The following RBCK1 variants were observed in gnomAD, a reference collection of about 807,000 sequenced individuals.
RBCK1 encodes RANBP2-type and C3HC4-type zinc finger containing 1.
Under a neutral mutation model 71.1 loss-of-function variants are expected in RBCK1, and 44 were observed. The ratio of observed to expected loss-of-function variants is 0.62; its 90% CI spans 0.49 to 0.80. The LOEUF (loss-of-function observed/expected upper bound fraction) is 0.80. RBCK1 is among the 30% of genes least tolerant of loss of function. The probability of loss-of-function intolerance (pLI) is 0.00; values close to 1 mark genes in which losing one functional copy is unlikely to be tolerated. For missense variants in RBCK1, 569 were observed against 685.0 expected, an observed-to-expected ratio of 0.83 and a Z score of 1.89; for synonymous variants, 306 against 279.7, an observed-to-expected ratio of 1.09 and a Z score of -0.94.
chr20:410,733 C>T (rs1354664954), intron 2 of RBCK1: 1 of 565,900 alleles, frequency 1.8e-6, no homozygotes, highest in South Asian at 2.3e-5. Flanking sequence ...GCGTGTTATG[C>T]ACTCAATAAT....
At chr20:423,151 T>C (rs1223757636) in intron 8 of RBCK1, among the ~76,000 whole-genome samples, 3 of 152,192 alleles carry the variant, frequency 2.0e-5, no homozygotes, top group African/African-American at 7.2e-5. Flanking sequence ...AATAGAAAAT[T>C]AGCCGGGTGT....
intron 2 of RBCK1, among the ~76,000 whole-genome samples, chr20:415,642 A>G (rs1344023236): frequency 6.6e-6 from 1 of 151,944 alleles, no homozygotes; most frequent in Non-Finnish European, 1.5e-5. Flanking sequence ...AATTTTCCCC[A>G]TATTCTGGAT....
chr20:420,945 G>C lies in RBCK1; in HGVS notation c.831G>C (p.Thr277=), dbSNP rs1401211380. The change falls in exon 7 of 12, where the codon ACG becomes ACC. Residue 277 remains threonine, a synonymous_variant. Transcript: ENST00000356286. ...QLDQRSLVLN[T]EPAECPVCYS... is the part of the protein sequence containing the mutation. ...ACCAGAGGAGCCTGGTGCTGAACAC[G>C]GAGCCCGCCGAGTGCCCCGTGTGCT... 2 of 1,555,126 alleles carry C rather than the reference G, an allele frequency of 1.3e-6. No homozygotes were observed. The highest frequency in any genetic ancestry group is 1.7e-6 in the Non-Finnish European group (2 of 1,150,980).
Position 409,952 on chromosome 20 carries a change from A to G in RBCK1, c.94A>G (p.Ile32Val), listed in dbSNP as rs775299786. 2.1e-5 allele frequency: 34 copies of G among 1,614,056 alleles called. No individual in the cohort carries two copies. Among genetic ancestry groups the G allele is most frequent in the African/African-American group, 2.7e-5 (2 of 74,934 alleles). Residue 32 changes from isoleucine to valine, a missense_variant, in exon 2 of 12, where the codon ATC becomes GTC. This residue lies in a region of RBCK1 where 358 missense variants were observed against 375.6 expected (regional missense o/e 0.95). Coordinates refer to ENST00000356286, the MANE Select transcript of RBCK1 (RefSeq NM_031229.4). ...TGAACAGGTGGCAATGAAGTGTGCC[A>G]TCTGGCTGGCAGAGCAACGGGTGCC... ...GDEQVAMKCA[I>V]WLAEQRVPLS...
chr20:430,363 C>G lies in RBCK1; in HGVS notation c.1466C>G (p.Thr489Ser), dbSNP rs778181987. The part of the protein sequence containing the change: ...PRWGPGGPGD[T>S]SGGCRCRVNG... ...CCCATCCTCTAGGGCCCAGGAGACACCAGCGGGGGCTGCCGCTGCAGGGTA... is the reference window on the plus strand; with the variant it reads ...CCCATCCTCTAGGGCCCAGGAGACAGCAGCGGGGGCTGCCGCTGCAGGGTA... Residue 489 changes from threonine to serine, a missense_variant, in exon 12 of 12, where the codon ACC becomes AGC. By Grantham distance (58) the Thr-to-Ser change is moderately conservative. Transcript: ENST00000356286. The surrounding 1 kb of genome is among the most constrained non-coding windows in gnomAD (Gnocchi z 5.6). 5.0e-6 allele frequency: 8 copies of G among 1,611,542 alleles called. No homozygotes were observed. Among genetic ancestry groups the G allele is most frequent in the Non-Finnish European group, 6.8e-6 (8 of 1,177,740 alleles).
At position 430,379 on chromosome 20, in the gene RBCK1, C is replaced by T. The variant is rs142636828; in HGVS notation, c.1482C>T (p.Arg494=). 2 of 1,613,614 alleles carry T rather than the reference C, an allele frequency of 1.2e-6. No homozygotes were observed. The highest frequency in any genetic ancestry group is 8.5e-7 in the Non-Finnish European group (1 of 1,179,536). The change falls in exon 12 of 12, where the codon CGC becomes CGT. Residue 494 remains arginine (R), a synonymous_variant. Coordinates refer to ENST00000356286, the MANE Select transcript of RBCK1 (RefSeq NM_031229.4). The surrounding 1 kb of genome is among the most constrained non-coding windows in gnomAD (Gnocchi z 5.6). ...CAGGAGACACCAGCGGGGGCTGCCG[C>T]TGCAGGGTAAATGGGATTCCTTGCC... ...GGPGDTSGGC[R]CRVNGIPCHP...
In RBCK1 at chr20:420,993, G is replaced by A; in HGVS notation, c.879G>A (p.Glu293=). Residue 293 remains glutamate (E), a synonymous_variant, in exon 7 of 12, where the codon GAG becomes GAA. Transcript: ENST00000356286. ...GCTACTCGGTGCTGGCGCCCGGCGA[G>A]GCCGTGGTGCTGCGTGAGTGTCTGC... ...PVCYSVLAPG[E]AVVLRECLHT... is the part of the protein sequence containing the mutation. The A allele has an allele frequency of 6.4e-7, 1 of 1,566,058 alleles. No homozygotes were observed. Among genetic ancestry groups the A allele is most frequent in the South Asian group, 1.2e-5 (1 of 85,308 alleles).
At chr20:420,396 C>G in intron 6 of RBCK1, 1 of 984,916 alleles carries the variant, frequency 1.0e-6, no homozygotes, top group Non-Finnish European at 1.2e-6. Flanking sequence ...CCCGGTGCTG[C>G]CCCTGGCCAC....
At chr20:429,207 T>C (rs2016894175) in intron 11 of RBCK1, 113 bp downstream of exon 11, 2 of 1,393,876 alleles carry the variant, frequency 1.4e-6, no homozygotes, top group Admixed American at 5.6e-5. Context: ...CCTGAATTTG[T>C]ACAGCTCCCG....
intron 6 of RBCK1, 35 bp from the exon 7 acceptor site, chr20:420,836 C>G: frequency 3.9e-6 from 6 of 1,535,030 alleles, no homozygotes; most frequent in Non-Finnish European, 5.2e-6. Flanking sequence ...CCCCGAGGCC[C>G]TGACCCGCCC....
At chr20:416,007 C>T (rs2015962570) in intron 2 of RBCK1, among the ~76,000 whole-genome samples, 1 of 152,200 alleles carries the variant, frequency 6.6e-6, no homozygotes, top group Non-Finnish European at 1.5e-5. Flanking sequence ...ACACCTCCCA[C>T]CAGGCCTCAC....
At chr20:416,468 C>T (rs1304870793) in intron 2 of RBCK1, among the ~76,000 whole-genome samples, 1 of 152,142 alleles carries the variant, frequency 6.6e-6, no homozygotes, top group Admixed American at 6.6e-5. Context: ...AACTCTTCCT[C>T]ATTTTTTGGT....
At chr20:416,781 G>A (rs2016017103) in intron 2 of RBCK1, among the ~76,000 whole-genome samples, 1 of 152,186 alleles carries the variant, frequency 6.6e-6, no homozygotes, top group Non-Finnish European at 1.5e-5. Context: ...AGGATCACTT[G>A]AGGCCAAGAG....
chr20:417,124 T>G lies in RBCK1; in HGVS notation c.168-402T>G. ...CAGGGATACAGCAGTACCTGTCTGA[T>G]GGGTTGGTTGAGAGGATTAAATGAG... is the stretch of plus-strand genomic sequence containing the variant. On this transcript the variant is annotated intron_variant, in intron 2 of 11. Transcript: ENST00000356286. This position sits in a 1 kb window ranked among gnomAD's most constrained non-coding sequence, Gnocchi z 4.7. The G allele has an allele frequency of 2.2e-6, 1 of 459,144 alleles. No homozygotes were observed. Among genetic ancestry groups the G allele is most frequent in the Non-Finnish European group, 4.5e-6 (1 of 219,960 alleles). The allele number at this position is 459,144 out of a possible 1,614,324, so 28.4% of individuals were successfully genotyped here.
chr20:418,405 G>A (rs1264217351), intron 4 of RBCK1, among the ~76,000 whole-genome samples: 1 of 151,588 alleles, frequency 6.6e-6, no homozygotes, highest in East Asian at 1.9e-4. Flanking sequence ...GTCTCGCTCT[G>A]TCGCCCAGGC....
intron 4 of RBCK1, among the ~76,000 whole-genome samples, chr20:418,204 A>G (rs1414128883): frequency 1.3e-5 from 2 of 152,202 alleles, no homozygotes; most frequent in Non-Finnish European, 2.9e-5. Context: ...TCTGCTGCCC[A>G]GTTTGCTAAA....
intron 8 of RBCK1, among the ~76,000 whole-genome samples, chr20:424,711 C>T (rs1316551018): frequency 2.0e-5 from 3 of 152,162 alleles, no homozygotes; most frequent in African/African-American, 4.8e-5. Context: ...AGAGGTTTCC[C>T]TGTGGAGTCC....
intron 2 of RBCK1, 58 bp downstream of exon 2, chr20:410,083 T>G (rs2015614824): frequency 1.9e-6 from 3 of 1,554,142 alleles, no homozygotes; most frequent in Admixed American, 3.9e-5. Flanking sequence ...TATTCTTGCC[T>G]GTAGAACAGT....
rs2017019048 is a variant in RBCK1 at position 431,691 on chromosome 20, A to C, written c.*1261A>C. On this transcript the variant is annotated 3_prime_UTR_variant, in exon 12 of 12. Coordinates refer to ENST00000356286, the MANE Select transcript of RBCK1 (RefSeq NM_031229.4). The surrounding 1 kb of genome is among the most constrained non-coding windows in gnomAD (Gnocchi z 4.8). The stretch of plus-strand genomic sequence containing the variant: ...ATGCCAGGACTCAAGAGCTGGCCCC[A>C]GTCACTGTGCGCAGAGCTGTCTGAG... Among the ~76,000 whole-genome samples, 1 of 152,218 alleles carries C rather than the reference A, an allele frequency of 6.6e-6. No homozygotes were observed. The highest frequency in any genetic ancestry group is 1.5e-5 in the Non-Finnish European group (1 of 68,026).
Sources: gnomAD v4.1 joint callset for allele counts (sites outside exome capture counted in the v4.1 genomes callset) on GRCh38, gnomAD v4.1.1 for gene constraint, gnomAD v4.1.1 regional missense constraint, Gnocchi (gnomAD v3.1) non-coding constraint, MANE v1.5 for transcripts, NCBI Gene and HGNC (gene_info 2026-07-23, HGNC 2026-07-21) for gene names.